The following ST3GAL6 variants were observed in gnomAD, a reference collection of about 807,000 sequenced individuals.
ST3GAL6 encodes type 2 lactosamine alpha-2,3-sialyltransferase.
In ST3GAL6, 31 loss-of-function variants were observed where a neutral mutation model predicts 40.5. The ratio of observed to expected loss-of-function variants is 0.77; its 90% CI spans 0.58 to 1.03. The LOEUF is 1.03. Ranked by LOEUF, ST3GAL6 falls within the 50% of genes least tolerant of loss-of-function variation. The probability of loss-of-function intolerance (pLI) is 0.00; values close to 1 mark genes in which losing one functional copy is unlikely to be tolerated. For synonymous variants in ST3GAL6, 129 were observed against 136.9 expected (o/e 0.94, Z 0.40); for missense variants, 357 against 393.2 (o/e 0.91, Z 0.78).
chr3:98,789,945 C>T (rs1285229489), intron 8 of ST3GAL6, among the ~76,000 whole-genome samples: 1 of 152,114 alleles, frequency 6.6e-6, no homozygotes, highest in East Asian at 1.9e-4. Flanking sequence ...GAGAAGTCAG[C>T]CATGTCAGAT....
chr3:98,733,005 T>C (rs561882763), intron 1 of ST3GAL6: 30 of 1,454,276 alleles, frequency 2.1e-5, no homozygotes, highest in East Asian at 2.8e-5. Flanking sequence ...GGGTTTGCAC[T>C]GCCCGGGTGA....
chr3:98,768,303 C>G, intron 1 of ST3GAL6, 127 bp from the exon 2 acceptor site: 1 of 718,444 alleles, frequency 1.4e-6, no homozygotes, highest in Non-Finnish European at 2.5e-6. Flanking sequence ...AATTACATGC[C>G]CACATCATTT....
At chr3:98,786,955 A>AGTGT (rs60592978) in intron 6 of ST3GAL6, among the ~76,000 whole-genome samples, 6,798 of 147,316 alleles carry the variant, frequency 0.046, 231 homozygotes, top group African/African-American at 0.086. Context: ...ATCTGGGATA[A>AGTGT]GTGTGTGTGT....
In ST3GAL6 at chr3:98,743,679, A is replaced by G. The variant is rs140753656; in HGVS notation, c.-12+11147A>G. 2.7e-4 allele frequency among the ~76,000 whole-genome samples: 41 copies of G among 152,358 alleles called. 1 individual carries two copies. Among genetic ancestry groups the G allele is most frequent in the African/African-American group, 9.6e-4 (40 of 41,580 alleles). ...TCCAGATGAAGAAATAGGACAATAC[A>G]GGCCCTCCAGAAGGGTACCATGTGT... On this transcript the variant is annotated intron_variant, in intron 1 of 9. Coordinates refer to the ST3GAL6 transcript ENST00000265261.
chr3:98,742,518 G>A (rs576703406), intron 1 of ST3GAL6, among the ~76,000 whole-genome samples: 3 of 152,140 alleles, frequency 2.0e-5, no homozygotes, highest in Non-Finnish European at 4.4e-5. Flanking sequence ...ACAGAGCAAA[G>A]CAGAATATCA....
At chr3:98,756,252 G>A (rs767466692) in intron 1 of ST3GAL6, 21 of 796,364 alleles carry the variant, frequency 2.6e-5, no homozygotes, top group Non-Finnish European at 3.8e-5. Context: ...TTTTTTAGGA[G>A]ATCAGAAGTG....
chr3:98,765,025 A>G (rs1938180708), intron 1 of ST3GAL6, among the ~76,000 whole-genome samples: 1 of 152,228 alleles, frequency 6.6e-6, no homozygotes, highest in Non-Finnish European at 1.5e-5. Context: ...TTTAGTGTGC[A>G]TAAGAATCAA....
intron 1 of ST3GAL6, among the ~76,000 whole-genome samples, chr3:98,746,564 T>C (rs1936571665): frequency 6.6e-6 from 1 of 152,204 alleles, no homozygotes; most frequent in South Asian, 2.1e-4. Flanking sequence ...AGTAAATAGT[T>C]ATCCATCTTT....
rs1022027960 is a variant in ST3GAL6 at position 98,773,912 on chromosome 3, T to C, written c.272-8T>C. On this transcript the variant is annotated splice_region_variant and splice_polypyrimidine_tract_variant and intron_variant, in intron 4 of 9. Transcript: ENST00000483910. ...CCTTTTATTCATAACACTCCATTTGTTTTCTAGCGGAATATTTTCGACTTG... is the reference window on the plus strand; with the variant it reads ...CCTTTTATTCATAACACTCCATTTGCTTTCTAGCGGAATATTTTCGACTTG... The C allele has an allele frequency of 1.9e-6, 3 of 1,611,656 alleles. No homozygotes were observed. Among genetic ancestry groups the C allele is most frequent in the African/African-American group, 1.3e-5 (1 of 74,880 alleles).
chr3:98,788,302 ATTCTC>A lies in ST3GAL6; in HGVS notation c.619-22_619-18del. Reference sequence around the variant, plus strand: ...AAAAAACAGACAGCCACACTGTTCTATTCTCTATATTTTTTACTTTCAGAACACTA... The same window carrying A: ...AAAAAACAGACAGCCACACTGTTCTATATATTTTTTACTTTCAGAACACTA... On this transcript the variant is annotated intron_variant, in intron 7 of 9. Transcript: ENST00000483910. 1 of 1,600,620 alleles carries A rather than the reference ATTCTC, an allele frequency of 6.2e-7. No homozygotes were observed. The highest frequency in any genetic ancestry group is 1.1e-5 in the South Asian group (1 of 88,414).
upstream of ST3GAL6, chr3:98,762,941 G>A: frequency 4.1e-6 from 4 of 985,422 alleles, no homozygotes; most frequent in African/African-American, 1.7e-5. Flanking sequence ...CATGATCATC[G>A]CTGCCAGAGG....
In ST3GAL6 at chr3:98,794,847, C is replaced by G. The variant is rs1941480458; in HGVS notation, c.*1086C>G. 6.6e-6 allele frequency: 1 copy of G among 152,258 alleles called. No individual in the cohort carries two copies. Among genetic ancestry groups the G allele is most frequent in the South Asian group, 2.1e-4 (1 of 4,822 alleles). The allele number at this position is 152,258 out of a possible 1,614,324, so 9.4% of individuals were successfully genotyped here. ...CCCGGGAGGCAGAGGTTGCAGTGAG[C>G]CAAGATCGCGCCACTGCACTTCAGC... On this transcript the variant is annotated 3_prime_UTR_variant, in exon 10 of 10. Transcript: ENST00000483910.
At position 98,794,685 on chromosome 3, in the gene ST3GAL6, A is replaced by AACTC. The variant is rs1294472406; in HGVS notation, c.*926_*929dup. The stretch of plus-strand genomic sequence containing the variant: ...CCGAGGGAGGCAGCTGGATTGCCTG[A>AACTC]ACTCAGGAGTTCAAGACCAGCCTGG... On this transcript the variant is annotated 3_prime_UTR_variant, in exon 10 of 10. Coordinates refer to ENST00000483910, the MANE Select transcript of ST3GAL6 (RefSeq NM_001323368.2). The AACTC allele has an allele frequency of 3.3e-5, 5 of 152,356 alleles. No homozygotes were observed. The East Asian group carries it at 9.7e-4, about 29-fold the overall frequency. The allele number at this position is 152,356 out of a possible 1,614,324, so 9.4% of individuals were successfully genotyped here. A position where few individuals can be genotyped will look rare whatever the true frequency, so the allele number is the denominator to read the frequency against.
intron 1 of ST3GAL6, among the ~76,000 whole-genome samples, chr3:98,740,225 CTTTTTTT>C (rs764868667): frequency 2.5e-5 from 3 of 122,180 alleles, no homozygotes; most frequent in Non-Finnish European, 5.1e-5. Context: ...TTGCAAAACA[CTTTTTTT>C]TTTTTTTTTT....
intron 7 of ST3GAL6, 37 bp from the exon 8 acceptor site, chr3:98,788,289 G>T: frequency 6.3e-7 from 1 of 1,577,124 alleles, no homozygotes; most frequent in Non-Finnish European, 8.5e-7. Flanking sequence ...AAAACAGACA[G>T]CCACACTGTT....
At chr3:98,788,266 T>C in intron 7 of ST3GAL6, 44 bp downstream of exon 7, 1 of 1,582,684 alleles carries the variant, frequency 6.3e-7, no homozygotes, top group Non-Finnish European at 8.6e-7. Flanking sequence ...CCTTTAGTGC[T>C]TTTTTTCCTT....
At chr3:98,752,047 C>T (rs762280241) in intron 1 of ST3GAL6, among the ~76,000 whole-genome samples, 1 of 152,114 alleles carries the variant, frequency 6.6e-6, no homozygotes, top group Non-Finnish European at 1.5e-5. Flanking sequence ...GAGACCATAG[C>T]AGCAGAAAAA....
intron 1 of ST3GAL6, among the ~76,000 whole-genome samples, chr3:98,747,922 C>G (rs1028532038): frequency 2.0e-5 from 3 of 152,052 alleles, no homozygotes; most frequent in Non-Finnish European, 2.9e-5. Flanking sequence ...GACCATAAAT[C>G]TAGTTTAAAA....
upstream of ST3GAL6, chr3:98,762,876 G>T (rs962249390): frequency 1.0e-6 from 1 of 985,386 alleles, no homozygotes; most frequent in South Asian, 4.7e-5. Context: ...GTGAAAAAGG[G>T]CTTAGTACTG....
Sources: gnomAD v4.1 joint callset for allele counts (sites outside exome capture counted in the v4.1 genomes callset) on GRCh38, gnomAD v4.1.1 for gene constraint, MANE v1.5 for transcripts, NCBI Gene and HGNC (gene_info 2026-07-23, HGNC 2026-07-21) for gene names.